The following PTPRC variants were observed in gnomAD, a reference collection of about 807,000 sequenced individuals.
The protein encoded by PTPRC is receptor-type tyrosine-protein phosphatase C.
In PTPRC, 44 loss-of-function variants were observed where a neutral mutation model predicts 155.9. That is an observed-to-expected ratio of 0.28 (90% CI 0.22 to 0.36). PTPRC has a LOEUF of 0.36. PTPRC is among the 10% of genes least tolerant of loss of function. PTPRC has a pLI of 1.00. For missense variants in PTPRC, 1,401 were observed against 1,564.6 expected (o/e 0.90, Z 1.76); for synonymous variants, 525 against 533.1 (o/e 0.98, Z 0.21).
chr1:198,739,238 T>C (rs1046904574), intron 23 of PTPRC, among the ~76,000 whole-genome samples: 2 of 151,442 alleles, frequency 1.3e-5, no homozygotes, highest in African/African-American at 2.4e-5. Context: ...AGTAATAACA[T>C]TGAATATCAG....
rs565542521 is a variant in PTPRC at position 198,722,383 on chromosome 1, CTAAT to C, written c.1660-30_1660-27del. 535 of 1,214,700 alleles carry C rather than the reference CTAAT, an allele frequency of 4.4e-4. 3 individuals carry two copies. The African/African-American group carries it at 7.6e-3, about 17-fold the overall frequency. 75.2% of individuals were successfully genotyped at this position (1,214,700 alleles called of 1,614,324 possible). On this transcript the variant is annotated intron_variant, in intron 14 of 32. Coordinates refer to ENST00000442510, the MANE Select transcript of PTPRC (RefSeq NM_002838.5). ...ATATATATAAATTCACATTAGCAAA[CTAAT>C]TATTTTATTTTTTGTTACTGAAATT...
At chr1:198,736,721 A>G (rs542448975) in intron 23 of PTPRC, among the ~76,000 whole-genome samples, 143 of 151,788 alleles carry the variant, frequency 9.4e-4, no homozygotes, top group Middle Eastern at 3.4e-3. Flanking sequence ...GGATTGCTGG[A>G]TCATATGGTA....
At chr1:198,745,427 T>C (rs1655095288) in intron 26 of PTPRC, among the ~76,000 whole-genome samples, 1 of 151,792 alleles carries the variant, frequency 6.6e-6, no homozygotes, top group Admixed American at 6.6e-5. Context: ...TGCCTGATGA[T>C]CTTTCATTTT....
intron 10 of PTPRC, among the ~76,000 whole-genome samples, chr1:198,708,708 G>A (rs1223045056): frequency 1.3e-5 from 2 of 152,084 alleles, no homozygotes; most frequent in Non-Finnish European, 2.9e-5. Context: ...TCATACACAA[G>A]TTCAAGAACA....
intron 2 of PTPRC, among the ~76,000 whole-genome samples, chr1:198,667,663 AG>A (rs1664398803): frequency 6.6e-6 from 1 of 152,238 alleles, no homozygotes; most frequent in Non-Finnish European, 1.5e-5. Flanking sequence ...AATATAGAAA[AG>A]AAAGTCACAG....
At chr1:198,650,863 A>G (rs1663209533) in intron 2 of PTPRC, among the ~76,000 whole-genome samples, 1 of 151,834 alleles carries the variant, frequency 6.6e-6, no homozygotes, top group South Asian at 2.1e-4. Context: ...GAAAAAAAGT[A>G]GAACTATACT....
chr1:198,731,567 C>T (rs1654388168), intron 17 of PTPRC, 50 bp from the exon 18 acceptor site: 2 of 1,361,378 alleles, frequency 1.5e-6, no homozygotes, highest in Non-Finnish European at 2.1e-6. Context: ...ATGTGTATGC[C>T]CACCTGAAAG....
At chr1:198,726,639 T>G (rs1337477410) in intron 15 of PTPRC, among the ~76,000 whole-genome samples, 1 of 152,086 alleles carries the variant, frequency 6.6e-6, no homozygotes, top group Non-Finnish European at 1.5e-5. Flanking sequence ...GTTACAGAAA[T>G]TTTGATCATG....
chr1:198,756,300 G>T lies in PTPRC; in HGVS notation c.*119G>T, dbSNP rs1002064093. On this transcript the variant is annotated 3_prime_UTR_variant, in exon 33 of 33. Coordinates refer to ENST00000442510, the MANE Select transcript of PTPRC (RefSeq NM_002838.5). ...AATTAAATGCAGCGAACCAATATTT[G>T]TAGAAGGGTTATATTTTACTACTGT... 1 of 1,299,952 alleles carries T rather than the reference G, an allele frequency of 7.7e-7. No homozygotes were observed. The highest frequency in any genetic ancestry group is 1.1e-6 in the Non-Finnish European group (1 of 929,624). The allele number at this position is 1,299,952 out of a possible 1,614,324, so 80.5% of individuals were successfully genotyped here.
chr1:198,753,056 G>A (rs1371590146), intron 31 of PTPRC, among the ~76,000 whole-genome samples: 3 of 151,962 alleles, frequency 2.0e-5, no homozygotes, highest in Non-Finnish European at 4.4e-5. Context: ...AATGTCATTT[G>A]TGTGAATGAA....
intron 8 of PTPRC, among the ~76,000 whole-genome samples, chr1:198,704,960 G>A (rs766323547): frequency 1.3e-5 from 2 of 152,092 alleles, no homozygotes; most frequent in Non-Finnish European, 2.9e-5. Flanking sequence ...AAGTTTGTTG[G>A]TGAGGGGGAG....
chr1:198,662,666 A>G (rs551020234), intron 2 of PTPRC, among the ~76,000 whole-genome samples: 44 of 152,248 alleles, frequency 2.9e-4, no homozygotes, highest in Non-Finnish European at 5.9e-4. Flanking sequence ...AGTTCTCTCC[A>G]TATTCTGGAT....
chr1:198,719,641 T>G (rs1343262333), intron 14 of PTPRC, among the ~76,000 whole-genome samples: 1 of 152,082 alleles, frequency 6.6e-6, no homozygotes, highest in Non-Finnish European at 1.5e-5. Context: ...GAGGGAGTCC[T>G]GCTCTGTCAC....
chr1:198,745,222 T>G (rs1408634587), intron 26 of PTPRC, among the ~76,000 whole-genome samples: 1 of 151,844 alleles, frequency 6.6e-6, no homozygotes, highest in East Asian at 1.9e-4. Context: ...GTTTCTGCTA[T>G]GTGCCAAGTA....
rs777436338 is a variant in PTPRC at position 198,712,926 on chromosome 1, T to G, written c.1172-27T>G. On this transcript the variant is annotated intron_variant, in intron 11 of 32. Coordinates refer to ENST00000442510, the MANE Select transcript of PTPRC (RefSeq NM_002838.5). ...TTTATCCATGTCTTATTTTTCATAT[T>G]ACATAACATTCTTATTCTTTTAACA... 15 of 1,598,162 alleles carry G rather than the reference T, an allele frequency of 9.4e-6. 1 individual carries two copies. In the South Asian group the frequency reaches 1.1e-4, roughly 12 times the overall value.
At chr1:198,705,432 C>CTTT (rs905823899) in intron 8 of PTPRC, among the ~76,000 whole-genome samples, 5 of 139,432 alleles carry the variant, frequency 3.6e-5, no homozygotes, top group Admixed American at 7.3e-5. Context: ...TTCTTTCTTT[C>CTTT]TTTTTTTTTT....
At chr1:198,639,575 A>G (rs1662461483) in intron 2 of PTPRC, among the ~76,000 whole-genome samples, 1 of 152,096 alleles carries the variant, frequency 6.6e-6, no homozygotes, top group Admixed American at 6.6e-5. Context: ...AAAGGAAAGC[A>G]ATGTCTATCT....
At chr1:198,660,072 CT>C (rs1228515365) in intron 2 of PTPRC, among the ~76,000 whole-genome samples, 5 of 94,342 alleles carry the variant, frequency 5.3e-5, no homozygotes, top group East Asian at 4.9e-4. Context: ...TATATATGAT[CT>C]TTTTTTTGAT....
intron 26 of PTPRC, 107 bp from the exon 27 acceptor site, chr1:198,748,002 A>G (rs907932955): frequency 6.7e-6 from 10 of 1,487,998 alleles, no homozygotes; most frequent in Middle Eastern, 2.5e-4. Flanking sequence ...GCATATGCAA[A>G]TTTCACAAAA....
Sources: allele counts gnomAD v4.1 joint callset (sites outside exome capture counted in the v4.1 genomes callset), GRCh38; gene constraint gnomAD v4.1.1; transcripts MANE v1.5; gene names NCBI Gene and HGNC (gene_info 2026-07-23, HGNC 2026-07-21).